Variants in PCDHGB6 observed in about 807,000 individuals in gnomAD.
The protein encoded by PCDHGB6 is protocadherin gamma subfamily B, 6.
In PCDHGB6, 51 loss-of-function variants were observed where a neutral mutation model predicts 59.1. The ratio of observed to expected loss-of-function variants is 0.86; its 90% CI spans 0.69 to 1.09. The LOEUF (loss-of-function observed/expected upper bound fraction) is 1.09. Ranked by LOEUF, PCDHGB6 falls within the 50% of genes least tolerant of loss-of-function variation. PCDHGB6 has a pLI of 0.00. For synonymous variants in PCDHGB6, 466 were observed against 495.1 expected, an observed-to-expected ratio of 0.94 and a Z score of 0.78; for missense variants, 1,148 against 1,205.1, an observed-to-expected ratio of 0.95 and a Z score of 0.70.
In PCDHGB6 at chr5:141,486,872, C is replaced by T. The variant is rs1320632059; in HGVS notation, c.2419-7935C>T. On this transcript the variant is annotated intron_variant, in intron 1 of 3. Transcript: ENST00000520790. The surrounding 1 kb of genome is among the most constrained non-coding windows in gnomAD (Gnocchi z 5.0). ...CAATGACAATGCTCCAGCTGTGCTC[C>T]GTCCTCGGGCCCGGCCTGGTTCCTT... The T allele has an allele frequency of 3.7e-6, 6 of 1,614,232 alleles. No individual in the cohort carries two copies. Among genetic ancestry groups the T allele is most frequent in the African/African-American group, 1.3e-5 (1 of 75,070 alleles).
Position 141,458,007 on chromosome 5 carries a change from C to T in PCDHGB6, c.2419-36800C>T, listed in dbSNP as rs142050242. Among the ~76,000 whole-genome samples the T allele has an allele frequency of 1.3e-3, 200 of 152,274 alleles. 1 individual carries two copies. The East Asian group carries it at 0.032, about 24-fold the overall frequency. ...TCAGTTAAAGCCTTGGCAAAATAAC[C>T]GGTTTTTCCAATTGTGTTCTGTTGA... On this transcript the variant is annotated intron_variant, in intron 1 of 3. Transcript: ENST00000520790.
chr5:141,477,059 A>T lies in PCDHGB6; in HGVS notation c.2419-17748A>T. The T allele has an allele frequency of 6.2e-7, 1 of 1,614,238 alleles. No homozygotes were observed. Among genetic ancestry groups the T allele is most frequent in the Non-Finnish European group, 8.5e-7 (1 of 1,180,036 alleles). ...CAAGGGTCGGCTGGACTTCGAGGAC[A>T]CCAAACTCCATGAGATTTACATCCA... On this transcript the variant is annotated intron_variant, in intron 1 of 3. Transcript: ENST00000520790. The surrounding 1 kb of genome is among the most constrained non-coding windows in gnomAD (Gnocchi z 4.9).
chr5:141,483,436 C>T, intron 1 of PCDHGB6, among the ~76,000 whole-genome samples: 1 of 152,198 alleles, frequency 6.6e-6, no homozygotes, highest in Non-Finnish European at 1.5e-5. Context: ...GAGCTGACTA[C>T]AATAAAATCA....
intron 1 of PCDHGB6, chr5:141,427,830 C>G (rs749612858): frequency 7.8e-6 from 12 of 1,538,206 alleles, no homozygotes; most frequent in Non-Finnish European, 1.1e-5. Context: ...GGTCGCGCAG[C>G]GTGCCTTCGA....
At chr5:141,423,397 C>T (rs759822483) in intron 1 of PCDHGB6, 3 of 1,614,146 alleles carry the variant, frequency 1.9e-6, no homozygotes, top group East Asian at 2.2e-5. Context: ...GCATAAGTCA[C>T]GCCTGCTGCA....
chr5:141,455,860 ATTAT>A (rs145569377), intron 1 of PCDHGB6, among the ~76,000 whole-genome samples: 54,169 of 139,612 alleles, frequency 0.39, 10,686 homozygotes, highest in Admixed American at 0.44. Context: ...AATTTCTTTT[ATTAT>A]TTATTTATTT....
chr5:141,492,499 C>T (rs2099741220), intron 1 of PCDHGB6, among the ~76,000 whole-genome samples: 1 of 152,198 alleles, frequency 6.6e-6, no homozygotes. Context: ...GGCGAGGACT[C>T]CGGAGCCTCC....
At chr5:141,419,556 C>A (rs202164819) in intron 1 of PCDHGB6, 227 of 1,611,892 alleles carry the variant, frequency 1.4e-4, no homozygotes, top group Non-Finnish European at 8.6e-5. Context: ...CTGTACCCTG[C>A]GCTGGGTCCC....
At position 141,477,146 on chromosome 5, in the gene PCDHGB6, G is replaced by A. The variant is rs1447966302; in HGVS notation, c.2419-17661G>A. The stretch of plus-strand genomic sequence containing the variant: ...TTGCAAAGTGTTGGTGGAGGTTGTG[G>A]ATGTGAATGACAACGCCCCGGAGAT... On this transcript the variant is annotated intron_variant, in intron 1 of 3. Coordinates refer to ENST00000520790, the MANE Select transcript of PCDHGB6 (RefSeq NM_018926.3). This position sits in a 1 kb window ranked among gnomAD's most constrained non-coding sequence, Gnocchi z 4.9. 1 of 1,614,182 alleles carries A rather than the reference G, an allele frequency of 6.2e-7. No homozygotes were observed. The highest frequency in any genetic ancestry group is 8.5e-7 in the Non-Finnish European group (1 of 1,180,044).
At position 141,477,368 on chromosome 5, in the gene PCDHGB6, G is replaced by A; in HGVS notation, c.2419-17439G>A. Reference sequence around the variant, plus strand: ...GAAAACCAGTGCAGACCTGGATCGGGAGACTGTGCCAGAATACAACCTCAG... The same window carrying A: ...GAAAACCAGTGCAGACCTGGATCGGAAGACTGTGCCAGAATACAACCTCAG... On this transcript the variant is annotated intron_variant, in intron 1 of 3. Coordinates refer to ENST00000520790, the MANE Select transcript of PCDHGB6 (RefSeq NM_018926.3). The surrounding 1 kb of genome is among the most constrained non-coding windows in gnomAD (Gnocchi z 4.9). 6.2e-7 allele frequency: 1 copy of A among 1,614,132 alleles called. No individual in the cohort carries two copies. Among genetic ancestry groups the A allele is most frequent in the Non-Finnish European group, 8.5e-7 (1 of 1,180,024 alleles).
In PCDHGB6 at chr5:141,491,907, G is replaced by A; in HGVS notation, c.2419-2900G>A. 5 of 1,408,726 alleles carry A rather than the reference G, an allele frequency of 3.5e-6. No homozygotes were observed. In the South Asian group the frequency reaches 7.5e-5, roughly 21 times the overall value. The allele number at this position is 1,408,726 out of a possible 1,614,324, so 87.3% of individuals were successfully genotyped here. A position where few individuals can be genotyped will look rare whatever the true frequency, so the allele number is the denominator to read the frequency against. ...TGGGGCTCCGAGCACCGGGGGTGGTGGCGACTGTGGGCGAGGGGAGGTGGG... is the reference window on the plus strand; with the variant it reads ...TGGGGCTCCGAGCACCGGGGGTGGTAGCGACTGTGGGCGAGGGGAGGTGGG... On this transcript the variant is annotated intron_variant, in intron 1 of 3. Coordinates refer to ENST00000520790, the MANE Select transcript of PCDHGB6 (RefSeq NM_018926.3). This position sits in a 1 kb window ranked among gnomAD's most constrained non-coding sequence, Gnocchi z 6.9.
chr5:141,500,084 C>T (rs1354544132), intron 2 of PCDHGB6, among the ~76,000 whole-genome samples: 1 of 152,030 alleles, frequency 6.6e-6, no homozygotes, highest in Non-Finnish European at 1.5e-5. Flanking sequence ...CCTCCATCTT[C>T]CATTTTTGCA....
intron 1 of PCDHGB6, chr5:141,468,330 C>CAAAAAAAAA (rs533390277): frequency 1.3e-5 from 1 of 79,886 alleles, no homozygotes; most frequent in African/African-American, 3.9e-5. Context: ...AACTCCATCT[C>CAAAAAAAAA]AAAAAAAAAA....
At chr5:141,413,023 A>T in intron 1 of PCDHGB6, 1 of 729,646 alleles carries the variant, frequency 1.4e-6, no homozygotes, top group Non-Finnish European at 2.1e-6. Context: ...CACAAGCCCC[A>T]CAAACCGGCT....
At chr5:141,459,693 C>A (rs1014443574) in intron 1 of PCDHGB6, among the ~76,000 whole-genome samples, 1 of 152,210 alleles carries the variant, frequency 6.6e-6, no homozygotes, top group African/African-American at 2.4e-5. Flanking sequence ...AAGCGTTCCG[C>A]TTGCTACATT....
rs776015544 is a variant in PCDHGB6, at chr5:141,485,125, G to C, written c.2419-9682G>C. The C allele has an allele frequency of 7.1e-7, 1 of 1,412,278 alleles. No homozygotes were observed. Among genetic ancestry groups the C allele is most frequent in the Admixed American group, 1.7e-5 (1 of 57,660 alleles). 87.5% of individuals were successfully genotyped at this position (1,412,278 alleles called of 1,614,324 possible). On this transcript the variant is annotated intron_variant, in intron 1 of 3. Transcript: ENST00000520790. The surrounding 1 kb of genome is among the most constrained non-coding windows in gnomAD (Gnocchi z 5.7). The stretch of plus-strand genomic sequence containing the variant: ...CTGCTGTGGCTGTTTGGGGCGGGTC[G>C]GCTTCATCCGCGTCTCAGGAGCAAG...
intron 3 of PCDHGB6, among the ~76,000 whole-genome samples, chr5:141,507,803 G>GAC (rs2099863701): frequency 6.6e-6 from 1 of 152,228 alleles, no homozygotes; most frequent in Admixed American, 6.5e-5. Flanking sequence ...CCTGCGCCCT[G>GAC]GGGAACGGAC....
intron 1 of PCDHGB6, chr5:141,428,284 G>A (rs762469333): frequency 4.2e-5 from 31 of 734,822 alleles, no homozygotes. Flanking sequence ...TGATTCCCAA[G>A]CAAAGCTGCA....
At position 141,432,202 on chromosome 5, in the gene PCDHGB6, T is replaced by C; in HGVS notation, c.2418+21582T>C. 1 of 1,614,120 alleles carries C rather than the reference T, an allele frequency of 6.2e-7. No homozygotes were observed. The highest frequency in any genetic ancestry group is 1.1e-5 in the South Asian group (1 of 91,072). ...CTGTGACCGCCCACGACCCCGACTGTGAAGAGAACGCCCAGATCACTTATT... is the reference window on the plus strand; with the variant it reads ...CTGTGACCGCCCACGACCCCGACTGCGAAGAGAACGCCCAGATCACTTATT... On this transcript the variant is annotated intron_variant, in intron 1 of 3. Coordinates refer to ENST00000520790, the MANE Select transcript of PCDHGB6 (RefSeq NM_018926.3). The surrounding 1 kb of genome is among the most constrained non-coding windows in gnomAD (Gnocchi z 6.0).
Sources: gnomAD v4.1 joint callset for allele counts (sites outside exome capture counted in the v4.1 genomes callset) on GRCh38, gnomAD v4.1.1 for gene constraint, Gnocchi (gnomAD v3.1) non-coding constraint, MANE v1.5 for transcripts, NCBI Gene and HGNC (gene_info 2026-07-23, HGNC 2026-07-21) for gene names.